The following GALNT17 variants were observed in gnomAD, a reference collection of about 807,000 sequenced individuals.
The protein encoded by GALNT17 is polypeptide N-acetylgalactosaminyltransferase 17.
In GALNT17, 29 loss-of-function variants were observed where a neutral mutation model predicts 63.7. That is an observed-to-expected ratio of 0.46 (90% CI 0.34 to 0.62). GALNT17 has a LOEUF of 0.62. Ranked by LOEUF, GALNT17 falls within the 20% of genes least tolerant of loss-of-function variation. The pLI, the probability that GALNT17 is intolerant of heterozygous loss-of-function variation, is 0.01. For missense variants in GALNT17, 603 were observed against 799.6 expected, an observed-to-expected ratio of 0.75 and a Z score of 2.97; for synonymous variants, 305 against 318.3, an observed-to-expected ratio of 0.96 and a Z score of 0.45.
chr7:71,514,453 C>T (rs1305589075), intron 5 of GALNT17, among the ~76,000 whole-genome samples: 1 of 152,026 alleles, frequency 6.6e-6, no homozygotes, highest in East Asian at 1.9e-4. Context: ...GTCCCCAGTG[C>T]CTTCCTTGAG....
chr7:71,565,398 G>A (rs565861598), intron 5 of GALNT17, among the ~76,000 whole-genome samples: 17 of 152,146 alleles, frequency 1.1e-4, no homozygotes, highest in Admixed American at 9.8e-4. Flanking sequence ...TGATCCCTCT[G>A]TCTGCTCCCC....
intron 5 of GALNT17, among the ~76,000 whole-genome samples, chr7:71,449,998 T>A (rs1787229545): frequency 6.7e-6 from 1 of 149,606 alleles, no homozygotes; most frequent in African/African-American, 2.5e-5. Flanking sequence ...GCCGAGATCG[T>A]GCCATCGCAC....
chr7:71,625,462 A>G (rs999452454), intron 6 of GALNT17, among the ~76,000 whole-genome samples: 1 of 151,800 alleles, frequency 6.6e-6, no homozygotes, highest in Non-Finnish European at 1.5e-5. Context: ...CAGCCTTTAT[A>G]AAACCACACT....
intron 5 of GALNT17, among the ~76,000 whole-genome samples, chr7:71,457,682 G>C (rs773483334): frequency 6.6e-6 from 1 of 152,122 alleles, no homozygotes; most frequent in African/African-American, 2.4e-5. Context: ...GGAGCATAGC[G>C]GTGAAAATGA....
At chr7:71,216,713 C>T (rs1449654082) in intron 1 of GALNT17, among the ~76,000 whole-genome samples, 1 of 151,804 alleles carries the variant, frequency 6.6e-6, no homozygotes, top group Non-Finnish European at 1.5e-5. Flanking sequence ...TACACAGACA[C>T]AAATACGCAC....
chr7:71,446,587 C>T (rs1162980992), intron 5 of GALNT17, among the ~76,000 whole-genome samples: 5 of 152,184 alleles, frequency 3.3e-5, no homozygotes, highest in Admixed American at 6.5e-5. Context: ...TTGCTCTAGT[C>T]GCCCAGGCTG....
intron 1 of GALNT17, among the ~76,000 whole-genome samples, chr7:71,155,942 A>ATGAGC (rs1788227326): frequency 6.6e-6 from 1 of 151,904 alleles, no homozygotes; most frequent in Non-Finnish European, 1.5e-5. Flanking sequence ...CATGCCTGTA[A>ATGAGC]TCCCAGCACT....
intron 1 of GALNT17, among the ~76,000 whole-genome samples, chr7:71,306,119 C>T (rs1164542340): frequency 6.6e-6 from 1 of 152,122 alleles, no homozygotes; most frequent in Admixed American, 6.5e-5. Flanking sequence ...ACTTGGGAGG[C>T]TGAGGCAGGA....
intron 5 of GALNT17, among the ~76,000 whole-genome samples, chr7:71,466,409 C>T (rs907222277): frequency 1.3e-5 from 2 of 152,070 alleles, no homozygotes; most frequent in African/African-American, 4.8e-5. Context: ...TACCAACTTC[C>T]AACTTCACTC....
At chr7:71,427,342 T>A (rs1161520136) in intron 5 of GALNT17, among the ~76,000 whole-genome samples, 4 of 151,978 alleles carry the variant, frequency 2.6e-5, no homozygotes, top group African/African-American at 9.7e-5. Context: ...GTGATCTGCC[T>A]GCCTCAGCCC....
At chr7:71,649,736 C>T (rs780892560) in intron 6 of GALNT17, among the ~76,000 whole-genome samples, 4 of 152,140 alleles carry the variant, frequency 2.6e-5, no homozygotes, top group African/African-American at 7.2e-5. Flanking sequence ...CAGTGTGCTA[C>T]GTGACCCTTG....
At chr7:71,171,640 T>G (rs1193916030) in intron 1 of GALNT17, among the ~76,000 whole-genome samples, 1 of 152,266 alleles carries the variant, frequency 6.6e-6, no homozygotes, top group Non-Finnish European at 1.5e-5. Flanking sequence ...TACTTTTGCT[T>G]TATTTACAGA....
chr7:71,464,142 G>A (rs1298403212), intron 5 of GALNT17, among the ~76,000 whole-genome samples: 1 of 152,134 alleles, frequency 6.6e-6, no homozygotes, highest in Admixed American at 6.5e-5. Flanking sequence ...GTCAGTGGGT[G>A]GAAGACTACT....
intron 5 of GALNT17, among the ~76,000 whole-genome samples, chr7:71,444,508 A>G (rs1346024399): frequency 6.6e-6 from 1 of 152,072 alleles, no homozygotes; most frequent in Non-Finnish European, 1.5e-5. Context: ...TAGCAAACTC[A>G]CTATCCAACA....
At chr7:71,415,041 T>C (rs764626402) in intron 3 of GALNT17, among the ~76,000 whole-genome samples, 8 of 152,168 alleles carry the variant, frequency 5.3e-5, no homozygotes, top group Non-Finnish European at 8.8e-5. Flanking sequence ...ACCAGGTCTT[T>C]CTCTGTTGCC....
At chr7:71,271,270 C>G (rs1008085135) in intron 1 of GALNT17, among the ~76,000 whole-genome samples, 2 of 152,194 alleles carry the variant, frequency 1.3e-5, no homozygotes, top group Non-Finnish European at 2.9e-5. Context: ...AGATTCCTGT[C>G]ACGCGCCTTC....
intron 5 of GALNT17, among the ~76,000 whole-genome samples, chr7:71,480,342 C>T (rs571116661): frequency 2.7e-4 from 41 of 151,442 alleles, no homozygotes; most frequent in East Asian, 1.6e-3. Context: ...ATGCCCTCTG[C>T]GGACTCTTGC....
chr7:71,313,391 T>C (rs1004094984), intron 1 of GALNT17, among the ~76,000 whole-genome samples: 2 of 152,148 alleles, frequency 1.3e-5, no homozygotes, highest in African/African-American at 4.8e-5. Flanking sequence ...TTTCTGAGTG[T>C]TGGCAATGAC....
chr7:71,664,118 C>T (rs1275808718), intron 6 of GALNT17, among the ~76,000 whole-genome samples: 2 of 151,758 alleles, frequency 1.3e-5, no homozygotes, highest in Non-Finnish European at 2.9e-5. Context: ...GGCCTAGGTG[C>T]CTGCCATCCC....
Sources: allele counts gnomAD v4.1 joint callset (sites outside exome capture counted in the v4.1 genomes callset), GRCh38; gene constraint gnomAD v4.1.1; transcripts MANE v1.5; gene names NCBI Gene and HGNC (gene_info 2026-07-23, HGNC 2026-07-21).